The following ALDH5A1 variants were observed in gnomAD, a reference collection of about 807,000 sequenced individuals.
The protein encoded by ALDH5A1 is succinate-semialdehyde dehydrogenase, mitochondrial.
In ALDH5A1, 33 loss-of-function variants were observed where a neutral mutation model predicts 54.7. The observed-to-expected ratio is 0.60, with a 90% CI of 0.46 to 0.81. The LOEUF is 0.81. Ranked by LOEUF, ALDH5A1 falls within the 30% of genes least tolerant of loss-of-function variation. The pLI is 0.00. For synonymous variants in ALDH5A1, 294 were observed against 292.7 expected, an observed-to-expected ratio of 1.00 and a Z score of -0.05; for missense variants, 657 against 711.0, an observed-to-expected ratio of 0.92 and a Z score of 0.86.
rs969461218 is a variant in ALDH5A1, at chr6:24,518,042, G to A, written c.871-2359G>A. ...CATTGACTTGAGCGAAACAGAAATT[G>A]TGGGCTGGCCAGTGACCTAGGACAA... On this transcript the variant is annotated intron_variant, in intron 5 of 9. Coordinates refer to ENST00000357578, the MANE Select transcript of ALDH5A1 (RefSeq NM_001080.3). The surrounding 1 kb of genome is among the most constrained non-coding windows in gnomAD (Gnocchi z 4.2). Among the ~76,000 whole-genome samples, 1 of 152,320 alleles carries A rather than the reference G, an allele frequency of 6.6e-6. No individual in the cohort carries two copies. The highest frequency in any genetic ancestry group is 2.1e-4 in the South Asian group (1 of 4,828).
intron 8 of ALDH5A1, among the ~76,000 whole-genome samples, chr6:24,528,594 C>G (rs2127389728): frequency 6.6e-6 from 1 of 152,114 alleles, no homozygotes; most frequent in South Asian, 2.1e-4. Flanking sequence ...GAACTCCTGA[C>G]CTCAGGTAGT....
At position 24,534,612 on chromosome 6, in the gene ALDH5A1, GA is replaced by G. The variant is rs1561881895; in HGVS notation, c.*903del. On this transcript the variant is annotated 3_prime_UTR_variant, in exon 10 of 10. Coordinates refer to ENST00000357578, the MANE Select transcript of ALDH5A1 (RefSeq NM_001080.3). ...TCCTTGCGATACTGTGAGCCAGAGAGAAAGTAAAAGCACTTCACAAAAAAAT... is the reference window on the plus strand; with the variant it reads ...TCCTTGCGATACTGTGAGCCAGAGAGAAGTAAAAGCACTTCACAAAAAAAT... 2.0e-5 allele frequency: 3 copies of G among 152,290 alleles called. No individual in the cohort carries two copies. The highest frequency in any genetic ancestry group is 7.2e-5 in the African/African-American group (3 of 41,452). The allele number at this position is 152,290 out of a possible 1,614,324, so 9.4% of individuals were successfully genotyped here. A position where few individuals can be genotyped will look rare whatever the true frequency, so the allele number is the denominator to read the frequency against.
Position 24,504,933 on chromosome 6 carries a change from T to C in ALDH5A1, c.674T>C (p.Val225Ala). Reference sequence around the variant, plus strand: ...GCCGCCCTGGCAGCCGGCTGTACTGTCGTGGTGAAGCCTGCCGAAGACACG... The same window carrying C: ...GCCGCCCTGGCAGCCGGCTGTACTGCCGTGGTGAAGCCTGCCGAAGACACG... ...VGAALAAGCTVVVKPAEDTPF... is the reference protein window; with the variant it reads ...VGAALAAGCTAVVKPAEDTPF... The change falls in exon 4 of 10, where the codon GTC becomes GCC. Residue 225 changes from valine (V) to alanine (A), a missense_variant. Transcript: ENST00000357578. 2 of 1,614,222 alleles carry C rather than the reference T, an allele frequency of 1.2e-6. No homozygotes were observed. Among genetic ancestry groups the C allele is most frequent in the Non-Finnish European group, 1.7e-6 (2 of 1,180,040 alleles).
At chr6:24,522,490 T>TGTGTGTGTGTGTGTGTGTGTGG in intron 6 of ALDH5A1, 1 of 360,630 alleles carries the variant, frequency 2.8e-6, no homozygotes, top group Non-Finnish European at 5.3e-6. Flanking sequence ...TGTGTGTGTG[T>TGTGTGTGTGTGTGTGTGTGTGG]GTGTGTGTGT....
rs1192061558 is a variant in ALDH5A1, at chr6:24,526,939, C to CTA, written c.1174-1048_1174-1047dup. ...ATTCTATATATATCTACTATATATT[C>CTA]TATATATATATCTAATATATATATA... On this transcript the variant is annotated intron_variant, in intron 7 of 9. Coordinates refer to ENST00000357578, the MANE Select transcript of ALDH5A1 (RefSeq NM_001080.3). 1.3e-4 allele frequency among the ~76,000 whole-genome samples: 11 copies of CTA among 87,954 alleles called. No individual in the cohort carries two copies. In the East Asian group the frequency reaches 2.0e-3, roughly 16 times the overall value. The allele number at this position is 87,954 out of a possible 152,430, so 57.7% of individuals were successfully genotyped here.
intron 1 of ALDH5A1, among the ~76,000 whole-genome samples, chr6:24,495,955 G>A (rs2127379516): frequency 6.6e-6 from 1 of 152,326 alleles, no homozygotes; most frequent in Non-Finnish European, 1.5e-5. Context: ...AGAGAACACT[G>A]GAGAATTGGG....
intron 8 of ALDH5A1, 52 bp downstream of exon 8, chr6:24,528,218 A>G (rs1444269346): frequency 1.2e-6 from 2 of 1,606,822 alleles, no homozygotes; most frequent in Non-Finnish European, 1.7e-6. Flanking sequence ...AAGAGAACAT[A>G]GGAAACCCTG....
intron 3 of ALDH5A1, among the ~76,000 whole-genome samples, 156 bp downstream of exon 3, chr6:24,503,589 C>T (rs1314630236): frequency 6.6e-6 from 1 of 152,114 alleles, no homozygotes; most frequent in East Asian, 1.9e-4. Context: ...AGTGTGTTTC[C>T]TAGTCCTCTG....
chr6:24,533,873 C>T lies in ALDH5A1; in HGVS notation c.*161C>T, dbSNP rs1214974421. 2 of 705,892 alleles carry T rather than the reference C, an allele frequency of 2.8e-6. No individual in the cohort carries two copies. The highest frequency in any genetic ancestry group is 4.6e-6 in the Non-Finnish European group (2 of 431,656). The allele number at this position is 705,892 out of a possible 1,614,324, so 43.7% of individuals were successfully genotyped here. ...TAAACAGATGCAAATCCTACCCCTG[C>T]CCTTAATGTAACTAGGGACCAATAT... On this transcript the variant is annotated 3_prime_UTR_variant, in exon 10 of 10. Coordinates refer to ENST00000357578, the MANE Select transcript of ALDH5A1 (RefSeq NM_001080.3).
chr6:24,500,008 G>A (rs34517349), intron 1 of ALDH5A1, among the ~76,000 whole-genome samples: 46,180 of 151,600 alleles, frequency 0.3, 8,596 homozygotes, highest in Non-Finnish European at 0.42. Context: ...AGATCTCACC[G>A]CATTGCCCAA....
chr6:24,501,951 G>A (rs1280078141), intron 1 of ALDH5A1, among the ~76,000 whole-genome samples: 11 of 146,868 alleles, frequency 7.5e-5, no homozygotes, highest in Non-Finnish European at 1.6e-4. Flanking sequence ...ATATATATAT[G>A]TGTATGTGTG....
In ALDH5A1 at chr6:24,501,889, A is replaced by G. The variant is rs199601195; in HGVS notation, c.355-634A>G. ...GAACCAATGTTTTATATATATATAT[A>G]TATATATGTGTGTGTGTGTGTGTGG... is the stretch of plus-strand genomic sequence containing the variant. On this transcript the variant is annotated intron_variant, in intron 1 of 9. Coordinates refer to ENST00000357578, the MANE Select transcript of ALDH5A1 (RefSeq NM_001080.3). Among the ~76,000 whole-genome samples the G allele has an allele frequency of 5.2e-3, 599 of 115,412 alleles. 5 individuals are homozygous for G. The highest frequency in any genetic ancestry group is 0.018 in the African/African-American group (522 of 29,260). 75.7% of individuals were successfully genotyped at this position (115,412 alleles called of 152,430 possible).
chr6:24,524,709 T>C (rs1013799346), intron 7 of ALDH5A1, among the ~76,000 whole-genome samples: 1 of 152,228 alleles, frequency 6.6e-6, no homozygotes, highest in African/African-American at 2.4e-5. Flanking sequence ...GAGGTGACTT[T>C]GGACCTTGGG....
chr6:24,525,675 C>A (rs192718420), intron 7 of ALDH5A1, among the ~76,000 whole-genome samples: 79 of 152,076 alleles, frequency 5.2e-4, no homozygotes, highest in African/African-American at 1.8e-3. Flanking sequence ...ACCAGTGCAC[C>A]CCAGCCCAGC....
chr6:24,505,905 T>C (rs907680437), intron 4 of ALDH5A1, among the ~76,000 whole-genome samples: 2 of 150,418 alleles, frequency 1.3e-5, no homozygotes, highest in Non-Finnish European at 3.0e-5. Flanking sequence ...GGGGCGGAGA[T>C]TGCAGTGAGC....
At chr6:24,503,159 A>G in intron 2 of ALDH5A1, 104 bp from the exon 3 acceptor site, 1 of 1,400,438 alleles carries the variant, frequency 7.1e-7, no homozygotes, top group East Asian at 2.4e-5. Flanking sequence ...GTATCGTTAT[A>G]GGAGACTTTT....
Position 24,495,108 on chromosome 6 carries a change from G to C in ALDH5A1, c.112G>C (p.Ala38Pro). 4 of 1,315,212 alleles carry C rather than the reference G, an allele frequency of 3.0e-6. No individual in the cohort carries two copies. The highest frequency in any genetic ancestry group is 3.8e-6 in the Non-Finnish European group (4 of 1,040,332). The allele number at this position is 1,315,212 out of a possible 1,614,324, so 81.5% of individuals were successfully genotyped here. A position where few individuals can be genotyped will look rare whatever the true frequency, so the allele number is the denominator to read the frequency against. Reference sequence around the variant, plus strand: ...CGGCCTGGTCCCTGCCTCCGGGCCTGCGCCCGGCCCGGCCCAGCTCCGCTG... The same window carrying C: ...CGGCCTGGTCCCTGCCTCCGGGCCTCCGCCCGGCCCGGCCCAGCTCCGCTG... ...AGGLVPASGP[A>P]PGPAQLRCYA... The change falls in exon 1 of 10, where the codon GCG (alanine) becomes CCG (proline). Residue 38 changes from alanine to proline, a missense_variant. Coordinates refer to ENST00000357578, the MANE Select transcript of ALDH5A1 (RefSeq NM_001080.3).
intron 7 of ALDH5A1, among the ~76,000 whole-genome samples, chr6:24,526,982 A>C (rs1469712791): frequency 1.8e-3 from 45 of 25,534 alleles, no homozygotes; most frequent in East Asian, 3.1e-3. Context: ...GTGTATATAT[A>C]TATATATATA....
chr6:24,508,335 CA>C (rs1759395735), intron 4 of ALDH5A1, among the ~76,000 whole-genome samples: 1 of 126,058 alleles, frequency 7.9e-6, no homozygotes, highest in Non-Finnish European at 1.5e-5. Context: ...GTACTCCAGC[CA>C]GGTGACAGAG....
Sources: gnomAD v4.1 joint callset for allele counts (sites outside exome capture counted in the v4.1 genomes callset) on GRCh38, gnomAD v4.1.1 for gene constraint, Gnocchi (gnomAD v3.1) non-coding constraint, MANE v1.5 for transcripts, NCBI Gene and HGNC (gene_info 2026-07-23, HGNC 2026-07-21) for gene names.